The following POFUT1 variants were observed in gnomAD, a reference collection of about 807,000 sequenced individuals.
The protein encoded by POFUT1 is protein O-fucosyltransferase 1.
In POFUT1, 16 loss-of-function variants were observed where a neutral mutation model predicts 42.4. That is an observed-to-expected ratio of 0.38 (90% CI 0.26 to 0.57). The LOEUF (loss-of-function observed/expected upper bound fraction) is 0.57, where lower values mean the gene tolerates loss of function less well. POFUT1 is among the 20% of genes least tolerant of loss of function. The probability of loss-of-function intolerance (pLI) is 0.71; values close to 1 mark genes in which losing one functional copy is unlikely to be tolerated. For missense variants in POFUT1, 470 were observed against 504.6 expected (o/e 0.93, Z 0.66); for synonymous variants, 206 against 205.4 (o/e 1.00, Z -0.03).
chr20:32,228,574 C>A, intron 5 of POFUT1, 119 bp downstream of exon 5: 1 of 842,502 alleles, frequency 1.2e-6, no homozygotes, highest in Non-Finnish European at 1.8e-6. Flanking sequence ...TGTTCTGGTT[C>A]GTGGGATTGT....
At chr20:32,231,146 G>C (rs906650878) in intron 6 of POFUT1, 85 bp downstream of exon 6, 2 of 1,473,890 alleles carry the variant, frequency 1.4e-6, no homozygotes, top group Non-Finnish European at 1.9e-6. Context: ...CATGCTTCAC[G>C]GGCTCCCCTA....
intron 2 of POFUT1, 50 bp from the exon 3 acceptor site, chr20:32,215,219 G>A (rs1407499224): frequency 6.8e-7 from 1 of 1,465,112 alleles, no homozygotes; most frequent in African/African-American, 1.4e-5. Flanking sequence ...AATGTCTAAA[G>A]TAGCCACGGG....
intron 6 of POFUT1, 64 bp from the exon 7 acceptor site, chr20:32,234,409 G>C (rs1274505828): frequency 2.1e-6 from 3 of 1,400,308 alleles, no homozygotes; most frequent in African/African-American, 1.4e-5. Context: ...AAGGTTGGGG[G>C]TGTGGATGGC....
chr20:32,227,641 T>G (rs1600392690), intron 4 of POFUT1, among the ~76,000 whole-genome samples: 1 of 152,182 alleles, frequency 6.6e-6, no homozygotes, highest in East Asian at 1.9e-4. Flanking sequence ...GTGAAATAAT[T>G]ATGAGATGGA....
intron 3 of POFUT1, 55 bp downstream of exon 3, chr20:32,215,506 C>T (rs1285426662): frequency 6.9e-7 from 1 of 1,447,222 alleles, no homozygotes; most frequent in Non-Finnish European, 9.5e-7. Context: ...CTCTAGGCCC[C>T]CAAGACTATG....
Position 32,216,646 on chromosome 20 carries a change from A to T in POFUT1, c.467A>T (p.His156Leu). Reference sequence around the variant, plus strand: ...TTTGGCCCATTCTGGGATCAGTTTCATGTGAGTTTCAACAAGTCGGAGCTT... The same window carrying T: ...TTTGGCCCATTCTGGGATCAGTTTCTTGTGAGTTTCAACAAGTCGGAGCTT... ...NPFGPFWDQFHVSFNKSELFT... is the reference protein window; with the variant it reads ...NPFGPFWDQFLVSFNKSELFT... Residue 156 changes from histidine (H) to leucine (L), a missense_variant, in exon 4 of 7, where the codon CAT becomes CTT. Coordinates refer to ENST00000375749, the MANE Select transcript of POFUT1 (RefSeq NM_015352.2). The T allele has an allele frequency of 6.2e-7, 1 of 1,613,844 alleles. No homozygotes were observed. The highest frequency in any genetic ancestry group is 8.5e-7 in the Non-Finnish European group (1 of 1,179,708).
intron 4 of POFUT1, among the ~76,000 whole-genome samples, chr20:32,219,758 A>G (rs2047381698): frequency 6.6e-6 from 1 of 151,998 alleles, no homozygotes; most frequent in African/African-American, 2.4e-5. Context: ...CGGCCTCCCA[A>G]AGTGCTGGGA....
intron 1 of POFUT1, 93 bp downstream of exon 1, chr20:32,208,158 G>C: frequency 7.8e-7 from 1 of 1,278,766 alleles, no homozygotes; most frequent in Non-Finnish European, 1.1e-6. Context: ...ACCTTCACAG[G>C]TCCAGGAGAG....
At position 32,238,599 on chromosome 20, in the gene POFUT1, G is replaced by T. The variant is rs1334000198; in HGVS notation, c.*3938G>T. 1 of 151,872 alleles carries T rather than the reference G, an allele frequency of 6.6e-6. No homozygotes were observed. Among genetic ancestry groups the T allele is most frequent in the African/African-American group, 2.4e-5 (1 of 41,354 alleles). The allele number at this position is 151,872 out of a possible 1,614,324, so 9.4% of individuals were successfully genotyped here. On this transcript the variant is annotated 3_prime_UTR_variant, in exon 7 of 7. Transcript: ENST00000375749. ...ACACTTAAAACTTTTTGTTATGGAA[G>T]AATTCAAATATAAATAAAAAATTGT... is the stretch of plus-strand genomic sequence containing the variant.
chr20:32,219,045 C>T (rs2122577654), intron 4 of POFUT1, among the ~76,000 whole-genome samples: 1 of 152,224 alleles, frequency 6.6e-6, no homozygotes, highest in South Asian at 2.1e-4. Context: ...TCCTTCAACA[C>T]ATATTTAAGA....
intron 4 of POFUT1, chr20:32,217,784 G>T (rs746218052): frequency 1.7e-5 from 16 of 968,268 alleles, no homozygotes; most frequent in Non-Finnish European, 1.8e-5. Flanking sequence ...CATGAAGTGG[G>T]TATTATTATC....
Position 32,234,979 on chromosome 20 carries a change from C to T in POFUT1, c.*318C>T. The T allele has an allele frequency of 4.0e-6, 1 of 248,810 alleles. No individual in the cohort carries two copies. The highest frequency in any genetic ancestry group is 7.7e-6 in the Non-Finnish European group (1 of 130,140). The allele number at this position is 248,810 out of a possible 1,614,324, so 15.4% of individuals were successfully genotyped here. ...GCTCTGAGCAGCCTGGGATGCTGAACTCTTCAGAGAGATTTTTTTATAGAG... is the reference window on the plus strand; with the variant it reads ...GCTCTGAGCAGCCTGGGATGCTGAATTCTTCAGAGAGATTTTTTTATAGAG... On this transcript the variant is annotated 3_prime_UTR_variant, in exon 7 of 7. Transcript: ENST00000375749.
intron 5 of POFUT1, among the ~76,000 whole-genome samples, chr20:32,230,030 G>A (rs972548607): frequency 2.6e-5 from 4 of 151,924 alleles, no homozygotes; most frequent in East Asian, 2.0e-4. Context: ...AGCCTGCCTC[G>A]GCCTCCCAAG....
At chr20:32,209,240 C>T (rs2047313203) in intron 1 of POFUT1, among the ~76,000 whole-genome samples, 1 of 152,222 alleles carries the variant, frequency 6.6e-6, no homozygotes, top group East Asian at 1.9e-4. Context: ...CAGCTGTTTC[C>T]CATCCTTTAG....
At chr20:32,229,428 A>G (rs568575408) in intron 5 of POFUT1, among the ~76,000 whole-genome samples, 3 of 152,358 alleles carry the variant, frequency 2.0e-5, no homozygotes, top group South Asian at 4.1e-4. Flanking sequence ...AAGAAAAATC[A>G]TATGATCATC....
At chr20:32,218,960 G>C (rs998499294) in intron 4 of POFUT1, among the ~76,000 whole-genome samples, 1 of 152,198 alleles carries the variant, frequency 6.6e-6, no homozygotes, top group Non-Finnish European at 1.5e-5. Flanking sequence ...TTTTGGGAAA[G>C]GAAAATTAGT....
chr20:32,234,389 C>A, intron 6 of POFUT1, 84 bp from the exon 7 acceptor site: 1 of 1,249,630 alleles, frequency 8.0e-7, no homozygotes, highest in Non-Finnish European at 1.1e-6. Flanking sequence ...GTAACTGCAG[C>A]TCAGGGAATA....
At chr20:32,216,243 G>T (rs1242465208) in intron 3 of POFUT1, among the ~76,000 whole-genome samples, 1 of 152,158 alleles carries the variant, frequency 6.6e-6, no homozygotes, top group East Asian at 1.9e-4. Context: ...CCCTCAGTGG[G>T]CCTTGGTTTC....
chr20:32,215,222 G>A, intron 2 of POFUT1, 47 bp from the exon 3 acceptor site: 3 of 1,485,498 alleles, frequency 2.0e-6, no homozygotes, highest in Non-Finnish European at 2.8e-6. Context: ...GTCTAAAGTA[G>A]CCACGGGGGC....
Sources: allele counts gnomAD v4.1 joint callset (sites outside exome capture counted in the v4.1 genomes callset), GRCh38; gene constraint gnomAD v4.1.1; transcripts MANE v1.5; gene names NCBI Gene and HGNC (gene_info 2026-07-23, HGNC 2026-07-21).